SLC35G1: variants seen among roughly 807,000 people sequenced by gnomAD.
SLC35G1 encodes solute carrier family 35 member G1.
A neutral mutation model predicts 17.1 loss-of-function variants in SLC35G1; 10 were observed. The observed-to-expected ratio is 0.59, with a 90% CI of 0.36 to 0.99. SLC35G1 has a LOEUF of 0.99. SLC35G1 is among the 50% of genes least tolerant of loss of function. The pLI is 0.01. For synonymous variants in SLC35G1, 185 were observed against 181.1 expected, an observed-to-expected ratio of 1.02 and a Z score of -0.18; for missense variants, 433 against 468.4, an observed-to-expected ratio of 0.92 and a Z score of 0.70.
Position 93,901,236 on chromosome 10 carries a change from G to C in SLC35G1, c.844G>C (p.Gly282Arg), listed in dbSNP as rs2060381226. Residue 282 changes from glycine to arginine, a missense_variant, in exon 3 of 3, where the codon GGG becomes CGG. Transcript: ENST00000427197. ...VLGEWSLPYC[G>R]LDRLFLIFIG... ...AGGAGAGTGGAGTCTGCCTTACTGTGGGTTGGACAGGCTATTTCTCATATT... is the reference window on the plus strand; with the variant it reads ...AGGAGAGTGGAGTCTGCCTTACTGTCGGTTGGACAGGCTATTTCTCATATT... The C allele has an allele frequency of 3.1e-6, 5 of 1,613,866 alleles. No individual in the cohort carries two copies. Among genetic ancestry groups the C allele is most frequent in the Non-Finnish European group, 4.2e-6 (5 of 1,179,916 alleles).
At chr10:93,907,746 C>T (rs934535005), downstream of SLC35G1, 2 of 151,978 alleles carry the variant, frequency 1.3e-5, no homozygotes, top group African/African-American at 2.4e-5. Flanking sequence ...TCCACTGAAT[C>T]CCCTTTTACA....
chr10:93,900,849 A>G lies in SLC35G1; in HGVS notation c.457A>G (p.Thr153Ala), dbSNP rs1275437166. 6.2e-7 allele frequency: 1 copy of G among 1,614,096 alleles called. No individual in the cohort carries two copies. The highest frequency in any genetic ancestry group is 8.5e-7 in the Non-Finnish European group (1 of 1,179,946). Residue 153 changes from threonine to alanine, a missense_variant, in exon 3 of 3, where the codon ACA becomes GCA. Coordinates refer to ENST00000427197, the MANE Select transcript of SLC35G1 (RefSeq NM_001134658.3). ...GATGCTTATATACTATGCTTACCAG[A>G]CAATGTCCCTCGCTGATGCCACAGT... ...AMMLIYYAYQTMSLADATVIT... is the reference protein window; with the variant it reads ...AMMLIYYAYQAMSLADATVIT...
Position 93,903,591 on chromosome 10 carries a change from T to C in SLC35G1, c.*2101T>C, listed in dbSNP as rs1487163853. On this transcript the variant is annotated 3_prime_UTR_variant, in exon 3 of 3. Coordinates refer to ENST00000427197, the MANE Select transcript of SLC35G1 (RefSeq NM_001134658.3). Reference sequence around the variant, plus strand: ...CTAGAGACATGTTTTGTTTGAACAATGTAGTTTAAGTACTTGAATGTCACA... The same window carrying C: ...CTAGAGACATGTTTTGTTTGAACAACGTAGTTTAAGTACTTGAATGTCACA... The C allele has an allele frequency of 1.3e-5, 2 of 152,312 alleles. No homozygotes were observed. The highest frequency in any genetic ancestry group is 1.9e-4 in the East Asian group (1 of 5,192). The allele number at this position is 152,312 out of a possible 1,614,324, so 9.4% of individuals were successfully genotyped here.
downstream of SLC35G1, among the ~76,000 whole-genome samples, chr10:93,906,045 C>T (rs1212254471): frequency 6.6e-6 from 1 of 152,070 alleles, no homozygotes; most frequent in African/African-American, 2.4e-5. Flanking sequence ...ACCGCTGTTC[C>T]AAGTATACTT....
chr10:93,909,488 A>G (rs1564596053), exon 3 of SLC35G1: 1 of 151,188 alleles, frequency 6.6e-6, no homozygotes, highest in Non-Finnish European at 1.5e-5. Flanking sequence ...TAAATTACCA[A>G]TTCAGTTATT....
Position 93,901,099 on chromosome 10 carries a change from C to G in SLC35G1, c.707C>G (p.Ala236Gly), listed in dbSNP as rs1201872835. 6.2e-7 allele frequency: 1 copy of G among 1,614,086 alleles called. No homozygotes were observed. Among genetic ancestry groups the G allele is most frequent in the Admixed American group, 1.7e-5 (1 of 60,014 alleles). The change falls in exon 3 of 3, where the codon GCA becomes GGA. Residue 236 changes from alanine to glycine, a missense_variant. Physicochemically the swap from Ala to Gly is moderately conservative, Grantham distance 60. Coordinates refer to ENST00000427197, the MANE Select transcript of SLC35G1 (RefSeq NM_001134658.3). Reference sequence around the variant, plus strand: ...GCAATTGGAAGTGCCGTATTTGCTGCATCGACTCTAGTTATCCTAAGAAAA... The same window carrying G: ...GCAATTGGAAGTGCCGTATTTGCTGGATCGACTCTAGTTATCCTAAGAAAA... Reference protein sequence around the residue: ...FAAIGSAVFAASTLVILRKMG... With the variant: ...FAAIGSAVFAGSTLVILRKMG...
rs971950217 is a variant in SLC35G1, at chr10:93,894,007, G to T, written c.-27G>T. On this transcript the variant is annotated 5_prime_UTR_variant, in exon 1 of 3. Coordinates refer to ENST00000427197, the MANE Select transcript of SLC35G1 (RefSeq NM_001134658.3). Reference sequence around the variant, plus strand: ...GCTGCTGCTGGCGCCAGACGGCACCGGCCGCTGGTAGAGCGCGTGCCGCGA... The same window carrying T: ...GCTGCTGCTGGCGCCAGACGGCACCTGCCGCTGGTAGAGCGCGTGCCGCGA... The T allele has an allele frequency of 6.3e-5, 86 of 1,362,200 alleles. No homozygotes were observed. Among genetic ancestry groups the T allele is most frequent in the Non-Finnish European group, 7.4e-5 (79 of 1,062,920 alleles). 84.4% of individuals were successfully genotyped at this position (1,362,200 alleles called of 1,614,324 possible).
rs558160878 is a variant in SLC35G1, at chr10:93,896,956, G to C, written c.179-1615G>C. On this transcript the variant is annotated intron_variant, in intron 1 of 2. Transcript: ENST00000427197. ...AAGAAAAACTGTTTTATTTGGAACT[G>C]AATTCTGAAATTTCAGAGGCCAGAC... Among the ~76,000 whole-genome samples the C allele has an allele frequency of 2.6e-5, 4 of 152,278 alleles. No homozygotes were observed. The South Asian group carries it at 8.3e-4, about 32-fold the overall frequency.
chr10:93,901,523 G>C lies in SLC35G1; in HGVS notation c.*33G>C. 1 of 1,548,650 alleles carries C rather than the reference G, an allele frequency of 6.5e-7. No individual in the cohort carries two copies. Among genetic ancestry groups the C allele is most frequent in the South Asian group, 1.3e-5 (1 of 78,004 alleles). ...TTGCTGAAATACATATTTTTTTCAA[G>C]TACACCATCACCTAATTCACATACA... On this transcript the variant is annotated 3_prime_UTR_variant, in exon 3 of 3. Transcript: ENST00000427197.
At chr10:93,905,465 T>C (rs568387055), downstream of SLC35G1, among the ~76,000 whole-genome samples, 4 of 152,202 alleles carry the variant, frequency 2.6e-5, no homozygotes, top group Non-Finnish European at 5.9e-5. Context: ...TATCAGGGAC[T>C]CTGATCCACA....
At chr10:93,894,877 G>A (rs149353864) in intron 1 of SLC35G1, among the ~76,000 whole-genome samples, 171 of 152,236 alleles carry the variant, frequency 1.1e-3, no homozygotes, top group Admixed American at 3.1e-3. Flanking sequence ...TGAGGCCCAG[G>A]AAGGTGAGGG....
chr10:93,894,334 G>A (rs2060308808), intron 1 of SLC35G1, 123 bp downstream of exon 1: 11 of 999,664 alleles, frequency 1.1e-5, no homozygotes, highest in Non-Finnish European at 1.5e-5. Context: ...CCCTGCCCGG[G>A]GCTCGGGAAA....
Position 93,901,237 on chromosome 10 carries a change from G to T in SLC35G1, c.845G>T (p.Gly282Val). Residue 282 changes from glycine to valine, a missense_variant, in exon 3 of 3, where the codon GGG becomes GTG. Gly to Val is a moderately radical substitution (Grantham distance 109, BLOSUM62 -3). Coordinates refer to ENST00000427197, the MANE Select transcript of SLC35G1 (RefSeq NM_001134658.3). ...GGAGAGTGGAGTCTGCCTTACTGTGGGTTGGACAGGCTATTTCTCATATTC... is the reference window on the plus strand; with the variant it reads ...GGAGAGTGGAGTCTGCCTTACTGTGTGTTGGACAGGCTATTTCTCATATTC... ...VLGEWSLPYC[G>V]LDRLFLIFIG... The T allele has an allele frequency of 1.2e-6, 2 of 1,613,964 alleles. No individual in the cohort carries two copies. The highest frequency in any genetic ancestry group is 1.7e-6 in the Non-Finnish European group (2 of 1,179,892).
chr10:93,904,526 C>G (rs1017120399), downstream of SLC35G1, among the ~76,000 whole-genome samples: 4 of 152,208 alleles, frequency 2.6e-5, no homozygotes, highest in Non-Finnish European at 4.4e-5. Context: ...CATTTCCCCC[C>G]TGTCCTTACC....
Position 93,894,215 on chromosome 10 carries a change from A to T in SLC35G1, c.178+4A>T. 7.2e-7 allele frequency: 1 copy of T among 1,379,652 alleles called. No homozygotes were observed. Among genetic ancestry groups the T allele is most frequent in the East Asian group, 3.1e-5 (1 of 32,450 alleles). 85.5% of individuals were successfully genotyped at this position (1,379,652 alleles called of 1,614,324 possible). The stretch of plus-strand genomic sequence containing the variant: ...TGTTGCTCCCGCACCGAGCCGGGTG[A>T]GTGCGCGGTGTGGATCGGGCTCTGG... On this transcript the variant is annotated splice_donor_region_variant and intron_variant, in intron 1 of 2. Transcript: ENST00000427197.
intron 1 of SLC35G1, among the ~76,000 whole-genome samples, chr10:93,896,191 TC>T (rs113486461): frequency 8.9e-4 from 136 of 152,214 alleles, no homozygotes; most frequent in African/African-American, 3.0e-3. Flanking sequence ...TGAGGGGGTT[TC>T]CCCGTGTTGC....
At chr10:93,899,030 A>G (rs976016415) in intron 2 of SLC35G1, among the ~76,000 whole-genome samples, 22 of 152,190 alleles carry the variant, frequency 1.4e-4, no homozygotes, top group African/African-American at 5.3e-4. Flanking sequence ...CTTGTCTTGT[A>G]TCACCCTCCC....
downstream of SLC35G1, among the ~76,000 whole-genome samples, chr10:93,904,272 A>G (rs934678565): frequency 7.9e-5 from 12 of 152,180 alleles, no homozygotes; most frequent in Non-Finnish European, 4.4e-5. Context: ...ACCTGCTTCA[A>G]GACTCTTTCT....
At position 93,901,536 on chromosome 10, in the gene SLC35G1, T is replaced by C. The variant is rs757320996; in HGVS notation, c.*46T>C. Reference sequence around the variant, plus strand: ...TATTTTTTTCAAGTACACCATCACCTAATTCACATACAGCATACGCACACA... The same window carrying C: ...TATTTTTTTCAAGTACACCATCACCCAATTCACATACAGCATACGCACACA... On this transcript the variant is annotated 3_prime_UTR_variant, in exon 3 of 3. Coordinates refer to ENST00000427197, the MANE Select transcript of SLC35G1 (RefSeq NM_001134658.3). The C allele has an allele frequency of 1.3e-6, 2 of 1,535,206 alleles. No individual in the cohort carries two copies. The highest frequency in any genetic ancestry group is 4.2e-5 in the Admixed American group (2 of 47,906).
Sources: gnomAD v4.1 joint callset for allele counts (sites outside exome capture counted in the v4.1 genomes callset) on GRCh38, gnomAD v4.1.1 for gene constraint, MANE v1.5 for transcripts, NCBI Gene and HGNC (gene_info 2026-07-23, HGNC 2026-07-21) for gene names.